The following NPDC1 variants were observed in gnomAD, a reference collection of about 807,000 sequenced individuals.
NPDC1 encodes the protein neural proliferation, differentiation and control 1.
Under a neutral mutation model 32.5 loss-of-function variants are expected in NPDC1, and 18 were observed. The ratio of observed to expected loss-of-function variants is 0.55; its 90% CI spans 0.38 to 0.82. NPDC1 has a LOEUF of 0.82. NPDC1 is among the 40% of genes least tolerant of loss of function. The probability of loss-of-function intolerance (pLI) is 0.00; values close to 1 mark genes in which losing one functional copy is unlikely to be tolerated. For missense variants in NPDC1, 468 were observed against 406.6 expected (o/e 1.15, Z -1.30); for synonymous variants, 210 against 184.7 (o/e 1.14, Z -1.11).
rs1359790863 is a variant in NPDC1, at chr9:137,040,593, T to C, written c.629A>G (p.Gln210Arg). ...CTTCTGAGTCAGGCGGATCTCACGCTGCAGCCTGTGGGGAGTGGGGCCTGA... is the reference window on the plus strand; with the variant it reads ...CTTCTGAGTCAGGCGGATCTCACGCCGCAGCCTGTGGGGAGTGGGGCCTGA... The part of the protein sequence containing the change: ...SVASLCWCRL[Q>R]REIRLTQKAD... The change falls in exon 6 of 9, where the codon CAG becomes CGG. Residue 210 changes from glutamine (Q) to arginine (R), a missense_variant. Transcript: ENST00000371601. 3.8e-6 allele frequency: 6 copies of C among 1,570,338 alleles called. No individual in the cohort carries two copies. The South Asian group carries it at 7.0e-5, about 18-fold the overall frequency.
chr9:137,040,467 GC>G, intron 6 of NPDC1, 31 bp from the exon 7 acceptor site: 5 of 1,567,982 alleles, frequency 3.2e-6, no homozygotes, highest in Non-Finnish European at 4.3e-6. Context: ...GGGTCAGTTG[GC>G]GGCCAGAGTT....
At chr9:137,041,029 AG>A in intron 3 of NPDC1, 32 bp downstream of exon 3, 1 of 1,521,598 alleles carries the variant, frequency 6.6e-7, no homozygotes, top group Non-Finnish European at 8.8e-7. Context: ...GGCTAGGGAC[AG>A]GGCCGTGGGG....
Position 137,043,077 on chromosome 9 carries a change from G to C in NPDC1, c.113-4C>G. ...CTCCCGGGACAGGCGGCTACATCTG[G>C]GAAGGAAGCAGAAGGCAGGGCCGGC... On this transcript the variant is annotated splice_polypyrimidine_tract_variant and splice_region_variant and intron_variant, in intron 1 of 8. Transcript: ENST00000371601. 1 of 1,612,382 alleles carries C rather than the reference G, an allele frequency of 6.2e-7. No individual in the cohort carries two copies. The highest frequency in any genetic ancestry group is 8.5e-7 in the Non-Finnish European group (1 of 1,179,738).
chr9:137,040,195 C>G, intron 7 of NPDC1, 128 bp from the exon 8 acceptor site: 1 of 731,626 alleles, frequency 1.4e-6, no homozygotes, highest in Non-Finnish European at 2.3e-6. Flanking sequence ...TGAAGTTGGC[C>G]AGGGGAGGTG....
In NPDC1 at chr9:137,039,633, G is replaced by C. The variant is rs1264640541; in HGVS notation, c.*139C>G. 2 of 592,664 alleles carry C rather than the reference G, an allele frequency of 3.4e-6. No homozygotes were observed. 36.7% of individuals were successfully genotyped at this position (592,664 alleles called of 1,614,324 possible). A position where few individuals can be genotyped will look rare whatever the true frequency, so the allele number is the denominator to read the frequency against. ...AAAGGTTCGGGGGTCTCCCTGGCAA[G>C]GGGTCCCAGGGCCTGGAGCCCGAGG... On this transcript the variant is annotated 3_prime_UTR_variant, in exon 9 of 9. Transcript: ENST00000371601.
intron 1 of NPDC1, 63 bp downstream of exon 1, chr9:137,045,815 G>T: frequency 2.1e-6 from 2 of 959,802 alleles, no homozygotes; most frequent in Non-Finnish European, 2.5e-6. Flanking sequence ...CGGCAACCCG[G>T]TCCCCGCCCG....
intron 1 of NPDC1, among the ~76,000 whole-genome samples, chr9:137,045,252 G>T (rs1832112587): frequency 6.6e-6 from 1 of 152,246 alleles, no homozygotes; most frequent in Non-Finnish European, 1.5e-5. Flanking sequence ...CAGAATGCCA[G>T]TGCCCTCGAG....
chr9:137,043,073 T>A lies in NPDC1; in HGVS notation c.113A>T (p.Asp38Val). 6.2e-7 allele frequency: 1 copy of A among 1,612,368 alleles called. No homozygotes were observed. Among genetic ancestry groups the A allele is most frequent in the East Asian group, 2.2e-5 (1 of 44,846 alleles). Residue 38 changes from aspartate to valine, a missense_variant and splice_region_variant, in exon 2 of 9, where the codon GAT becomes GTT. Coordinates refer to ENST00000371601, the MANE Select transcript of NPDC1 (RefSeq NM_015392.4). ...CAGGCTCCCGGGACAGGCGGCTACATCTGGGAAGGAAGCAGAAGGCAGGGC... is the reference window on the plus strand; with the variant it reads ...CAGGCTCCCGGGACAGGCGGCTACAACTGGGAAGGAAGCAGAAGGCAGGGC... ...ALRGAAAGHPDVAACPGSLDC... is the reference protein window; with the variant it reads ...ALRGAAAGHPVVAACPGSLDC...
Position 137,040,655 on chromosome 9 carries a change from G to A in NPDC1, c.623+16C>T, listed in dbSNP as rs780705829. 31 of 1,568,486 alleles carry A rather than the reference G, an allele frequency of 2.0e-5. No individual in the cohort carries two copies. The highest frequency in any genetic ancestry group is 1.6e-4 in the African/African-American group (12 of 74,476). Reference sequence around the variant, plus strand: ...GTGTGGCACCCTCCCTGCCCTGCCCGCGGCCACTGGCTCACCTGCACCAGC... The same window carrying A: ...GTGTGGCACCCTCCCTGCCCTGCCCACGGCCACTGGCTCACCTGCACCAGC... On this transcript the variant is annotated intron_variant, in intron 5 of 8. Transcript: ENST00000371601.
At position 137,041,108 on chromosome 9, in the gene NPDC1, G is replaced by C. The variant is rs1166940799; in HGVS notation, c.339C>G (p.His113Gln). The change falls in exon 3 of 9, where the codon CAC (histidine) becomes CAG (glutamine). Residue 113 changes from histidine (H) to glutamine (Q), a missense_variant. By Grantham distance (24) the His-to-Gln change is conservative. Coordinates refer to ENST00000371601, the MANE Select transcript of NPDC1 (RefSeq NM_015392.4). ...GGTCCTTGGGTAGGGGCGGAGTTGA[G>C]TGTCCAGACTCCTTCCGGGCAAGCT... ...AQELARKESG[H>Q]STPPLPKDRQ... The C allele has an allele frequency of 2.0e-6, 3 of 1,531,830 alleles. No individual in the cohort carries two copies. The highest frequency in any genetic ancestry group is 1.3e-5 in the South Asian group (1 of 78,044). 94.9% of individuals were successfully genotyped at this position (1,531,830 alleles called of 1,614,324 possible). A position where few individuals can be genotyped will look rare whatever the true frequency, so the allele number is the denominator to read the frequency against.
Position 137,042,922 on chromosome 9 carries a change from C to G in NPDC1, c.259+5G>C, listed in dbSNP as rs200332573. ...CCCCATCGACTTCCCCCTTTGCTCT[C>G]GTACCTGGAGGCCGGCGCATCCTGG... On this transcript the variant is annotated splice_donor_5th_base_variant and intron_variant, in intron 2 of 8. Coordinates refer to ENST00000371601, the MANE Select transcript of NPDC1 (RefSeq NM_015392.4). 1 of 1,590,332 alleles carries G rather than the reference C, an allele frequency of 6.3e-7. No individual in the cohort carries two copies. The highest frequency in any genetic ancestry group is 2.2e-5 in the East Asian group (1 of 44,468).
rs749089742 is a variant in NPDC1 at position 137,039,823 on chromosome 9, G to A, written c.927C>T (p.Ala309=). Residue 309 remains alanine, a synonymous_variant, in exon 9 of 9, where the codon GCC becomes GCT. Coordinates refer to ENST00000371601, the MANE Select transcript of NPDC1 (RefSeq NM_015392.4). ...GGGCCGGCAGGGGCGCGGACAGTGC[G>A]GCGTGGTCGAACAGAGGGTTGCGCA... ...MEVRNPLFDH[A]ALSAPLPAPS... is the part of the protein sequence containing the mutation. The A allele has an allele frequency of 3.1e-5, 24 of 779,072 alleles. No individual in the cohort carries two copies. Among genetic ancestry groups the A allele is most frequent in the African/African-American group, 1.5e-4 (9 of 59,118 alleles). The allele number at this position is 779,072 out of a possible 1,614,324, so 48.3% of individuals were successfully genotyped here.
At chr9:137,044,656 T>C (rs578244766) in intron 1 of NPDC1, among the ~76,000 whole-genome samples, 34 of 152,264 alleles carry the variant, frequency 2.2e-4, no homozygotes, top group Non-Finnish European at 4.0e-4. Context: ...GCACTGGGAA[T>C]GGGAGGAGTT....
intron 1 of NPDC1, among the ~76,000 whole-genome samples, chr9:137,044,830 A>G (rs1358752819): frequency 1.3e-5 from 2 of 152,140 alleles, no homozygotes; most frequent in Non-Finnish European, 2.9e-5. Context: ...GCACACTCTG[A>G]TTCTCGGAAG....
intron 2 of NPDC1, 25 bp from the exon 3 acceptor site, chr9:137,041,212 G>A: frequency 7.0e-7 from 1 of 1,419,706 alleles, no homozygotes; most frequent in Non-Finnish European, 9.2e-7. Flanking sequence ...GGGCCATCAG[G>A]TGGAGGGGTC....
At position 137,041,195 on chromosome 9, in the gene NPDC1, G is replaced by A. The variant is rs1458125736; in HGVS notation, c.260-8C>T. The A allele has an allele frequency of 4.2e-6, 6 of 1,429,724 alleles. No individual in the cohort carries two copies. The highest frequency in any genetic ancestry group is 5.5e-6 in the Non-Finnish European group (6 of 1,090,380). 88.6% of individuals were successfully genotyped at this position (1,429,724 alleles called of 1,614,324 possible). On this transcript the variant is annotated splice_region_variant and splice_polypyrimidine_tract_variant and intron_variant, in intron 2 of 8. Coordinates refer to ENST00000371601, the MANE Select transcript of NPDC1 (RefSeq NM_015392.4). ...GCTGGGGCCGGCCCCCGCCTGGGGA[G>A]GGTGAGGGGCCATCAGGTGGAGGGG...
intron 2 of NPDC1, among the ~76,000 whole-genome samples, chr9:137,042,402 C>T (rs867016395): frequency 6.7e-6 from 1 of 150,326 alleles, no homozygotes; most frequent in African/African-American, 2.4e-5. Flanking sequence ...TACAGGCGCC[C>T]GCCGCCACGC....
chr9:137,042,022 G>A (rs561393138), intron 2 of NPDC1, among the ~76,000 whole-genome samples: 1 of 152,360 alleles, frequency 6.6e-6, no homozygotes, highest in East Asian at 1.9e-4. Flanking sequence ...CAGAGCCCAG[G>A]CCCGGGGAGA....
rs1410603046 is a variant in NPDC1, at chr9:137,040,060, C to T, written c.796G>A (p.Glu266Lys). The T allele has an allele frequency of 5.1e-6, 4 of 777,690 alleles. No homozygotes were observed. The highest frequency in any genetic ancestry group is 2.4e-5 in the East Asian group (1 of 41,198). 48.2% of individuals were successfully genotyped at this position (777,690 alleles called of 1,614,324 possible). ...GCCGTGTCCAGCTCCTTGGGTGGCT[C>T]TTTATGCCTGGGTGGGGGGGGATCG... ...QQMLCLERHK[E>K]PPKELDTASS... The change falls in exon 8 of 9, where the codon GAG becomes AAG. Residue 266 changes from glutamate (E) to lysine (K), a missense_variant. Coordinates refer to ENST00000371601, the MANE Select transcript of NPDC1 (RefSeq NM_015392.4).
Sources: allele counts gnomAD v4.1 joint callset (sites outside exome capture counted in the v4.1 genomes callset), GRCh38; gene constraint gnomAD v4.1.1; transcripts MANE v1.5; gene names NCBI Gene and HGNC (gene_info 2026-07-23, HGNC 2026-07-21).